The following NBDY variants were observed in gnomAD, a reference collection of about 807,000 sequenced individuals.
NBDY encodes the protein P-body dissociating protein.
chrX:56,744,666 A>G (rs1445453177), intron 2 of NBDY, among the ~76,000 whole-genome samples: 3 of 111,598 alleles, frequency 2.7e-5, no homozygotes, highest in African/African-American at 9.7e-5. Context: ...TCTACAGAAA[A>G]GTCAAAAGAT....
At chrX:56,754,519 A>G (rs2069600289) in intron 2 of NBDY, among the ~76,000 whole-genome samples, 1 of 112,522 alleles carries the variant, frequency 8.9e-6, no homozygotes, top group African/African-American at 3.2e-5. Context: ...AAGTCATACA[A>G]TATCTTCTAC....
At chrX:56,750,436 T>C (rs2069578668) in intron 2 of NBDY, among the ~76,000 whole-genome samples, 1 of 103,014 alleles carries the variant, frequency 9.7e-6, no homozygotes, top group African/African-American at 3.3e-5. Flanking sequence ...TCACTTCTTC[T>C]TGGCAATCTC....
At chrX:56,808,482 C>T (rs1250580722) in intron 2 of NBDY, among the ~76,000 whole-genome samples, 1 of 112,039 alleles carries the variant, frequency 8.9e-6, no homozygotes, top group Non-Finnish European at 1.9e-5. Context: ...CTGGTTTTGT[C>T]TTGGGAGAAG....
intron 2 of NBDY, among the ~76,000 whole-genome samples, chrX:56,796,608 A>T (rs753657770): frequency 9.0e-6 from 1 of 111,236 alleles, no homozygotes; most frequent in South Asian, 3.8e-4. Context: ...CCATATTGCC[A>T]TTTGTGGCTG....
intron 1 of NBDY, among the ~76,000 whole-genome samples, chrX:56,731,260 A>C (rs1334539702): frequency 9.0e-6 from 1 of 110,573 alleles, no homozygotes; most frequent in African/African-American, 3.3e-5. Context: ...AATTGCTCAG[A>C]TAGAAAACAA....
intron 2 of NBDY, among the ~76,000 whole-genome samples, chrX:56,808,175 G>A (rs188162392): frequency 1.5e-3 from 173 of 111,755 alleles, no homozygotes; most frequent in Non-Finnish European, 2.3e-3. Flanking sequence ...CGACTTGATC[G>A]TGGTGGATAA....
chrX:56,808,131 A>G (rs764064871), intron 2 of NBDY, among the ~76,000 whole-genome samples: 101 of 112,267 alleles, frequency 9.0e-4, no homozygotes, highest in African/African-American at 3.1e-3. Context: ...TGATTTGAAT[A>G]TGTTGAACCA....
At chrX:56,808,587 G>T (rs1486227121) in intron 2 of NBDY, among the ~76,000 whole-genome samples, 6 of 112,176 alleles carry the variant, frequency 5.3e-5, no homozygotes, top group Non-Finnish European at 1.1e-4. Flanking sequence ...TTGTATTTCT[G>T]TGGGATCAGT....
chrX:56,739,485 T>A (rs1175423549), intron 2 of NBDY, among the ~76,000 whole-genome samples: 1 of 106,594 alleles, frequency 9.4e-6, no homozygotes, highest in African/African-American at 3.4e-5. Flanking sequence ...CAAAAACCAA[T>A]ATATATATAT....
At chrX:56,748,563 T>G (rs1019412161) in intron 2 of NBDY, among the ~76,000 whole-genome samples, 4 of 106,636 alleles carry the variant, frequency 3.8e-5, no homozygotes, top group African/African-American at 1.0e-4. Flanking sequence ...GAGAAGGAAA[T>G]TCTGGGGACC....
intron 2 of NBDY, among the ~76,000 whole-genome samples, chrX:56,791,069 C>T (rs765364422): frequency 6.2e-5 from 7 of 112,296 alleles, no homozygotes; most frequent in Non-Finnish European, 1.1e-4. Context: ...CAGCTGTCCA[C>T]CTGAGGCACT....
At chrX:56,797,823 C>T (rs944274802) in intron 2 of NBDY, among the ~76,000 whole-genome samples, 15 of 111,744 alleles carry the variant, frequency 1.3e-4, no homozygotes, top group Admixed American at 4.8e-4. Flanking sequence ...AGAACACATG[C>T]ACACACTCAC....
intron 2 of NBDY, among the ~76,000 whole-genome samples, chrX:56,816,228 C>T (rs1223789502): frequency 9.1e-6 from 1 of 110,289 alleles, no homozygotes; most frequent in Non-Finnish European, 1.9e-5. Context: ...AAATATATGG[C>T]CAATAATAAT....
At chrX:56,761,995 C>A (rs765284946) in intron 2 of NBDY, among the ~76,000 whole-genome samples, 1 of 111,844 alleles carries the variant, frequency 8.9e-6, no homozygotes, top group African/African-American at 3.3e-5. Flanking sequence ...ATGGTTTAGC[C>A]TGCATCTTTG....
chrX:56,807,215 A>G (rs1450359173), intron 2 of NBDY, among the ~76,000 whole-genome samples: 2 of 112,110 alleles, frequency 1.8e-5, no homozygotes, highest in Non-Finnish European at 3.8e-5. Flanking sequence ...TGGTTACTGT[A>G]GCCTTGTAGT....
chrX:56,810,316 TCTC>T (rs2069879442), intron 2 of NBDY, among the ~76,000 whole-genome samples: 1 of 111,512 alleles, frequency 9.0e-6, no homozygotes, highest in Non-Finnish European at 1.9e-5. Context: ...TTGGGGAAGT[TCTC>T]CTGGATAATA....
At chrX:56,799,885 C>A (rs1272897183) in intron 2 of NBDY, among the ~76,000 whole-genome samples, 1 of 112,012 alleles carries the variant, frequency 8.9e-6, no homozygotes, top group East Asian at 2.8e-4. Flanking sequence ...CCTCTCCTAC[C>A]CTCTGGATTC....
intron 2 of NBDY, among the ~76,000 whole-genome samples, chrX:56,736,736 T>C (rs941564383): frequency 3.6e-5 from 4 of 112,556 alleles, no homozygotes; most frequent in African/African-American, 1.3e-4. Flanking sequence ...TGTCTACTTT[T>C]TGTTTTCTAG....
At chrX:56,749,840 C>T (rs1250862065) in intron 2 of NBDY, among the ~76,000 whole-genome samples, 2 of 110,466 alleles carry the variant, frequency 1.8e-5, no homozygotes, top group African/African-American at 3.3e-5. Context: ...GTTGTAGAAA[C>T]GGGGTTTTGC....
Sources: allele counts gnomAD v4.1 joint callset (sites outside exome capture counted in the v4.1 genomes callset), GRCh38; gene constraint gnomAD v4.1.1; transcripts MANE v1.5; gene names NCBI Gene and HGNC (gene_info 2026-07-23, HGNC 2026-07-21).